The following ANKRD17 variants were observed in gnomAD, a reference collection of about 807,000 sequenced individuals.
ANKRD17 encodes the protein ankyrin repeat domain-containing protein 17.
A neutral mutation model predicts 229.7 loss-of-function variants in ANKRD17; 19 were observed. The ratio of observed to expected loss-of-function variants is 0.08; its 90% CI spans 0.06 to 0.12. ANKRD17 has a LOEUF of 0.12. Among genes scored for constraint, ANKRD17 ranks in the 10% least tolerant of loss-of-function variants. The pLI, the probability that ANKRD17 is intolerant of heterozygous loss-of-function variation, is 1.00. For missense variants in ANKRD17, 2,176 were observed against 3,176.8 expected, an observed-to-expected ratio of 0.68 and a Z score of 7.57; for synonymous variants, 1,112 against 1,146.1, an observed-to-expected ratio of 0.97 and a Z score of 0.60.
chr4:73,156,209 T>A (rs921183391), intron 3 of ANKRD17, 43 bp from the exon 4 acceptor site: 2 of 1,538,902 alleles, frequency 1.3e-6, no homozygotes, highest in Non-Finnish European at 8.7e-7. Flanking sequence ...ATAAGAATAT[T>A]AAAAAATTGC....
At chr4:73,131,549 C>T (rs1728200304) in intron 16 of ANKRD17, among the ~76,000 whole-genome samples, 1 of 152,052 alleles carries the variant, frequency 6.6e-6, no homozygotes, top group South Asian at 2.1e-4. Context: ...TTCTGTGATC[C>T]CACTTACCAG....
At chr4:73,200,422 TC>T (rs1446976558) in intron 1 of ANKRD17, among the ~76,000 whole-genome samples, 1 of 152,042 alleles carries the variant, frequency 6.6e-6, no homozygotes, top group East Asian at 1.9e-4. Flanking sequence ...CATAGTAAGA[TC>T]CTGTCTCTTT....
chr4:73,116,125 T>C (rs929975931), intron 22 of ANKRD17, among the ~76,000 whole-genome samples: 2 of 148,680 alleles, frequency 1.3e-5, no homozygotes, highest in Non-Finnish European at 3.0e-5. Flanking sequence ...AAAAAGTACA[T>C]AATAATATGA....
Position 73,167,106 on chromosome 4 carries a change from A to G in ANKRD17, c.548-5758T>C, listed in dbSNP as rs1282085896. Among the ~76,000 whole-genome samples, 3 of 152,224 alleles carry G rather than the reference A, an allele frequency of 2.0e-5. No homozygotes were observed. In the East Asian group the frequency reaches 5.8e-4, roughly 29 times the overall value. Reference sequence around the variant, plus strand: ...TGGTGCTTAGATTTGCTTTAAATTAACATAGGTGGCAATGTCAGCAAGGTG... The same window carrying G: ...TGGTGCTTAGATTTGCTTTAAATTAGCATAGGTGGCAATGTCAGCAAGGTG... On this transcript the variant is annotated intron_variant, in intron 2 of 33. Coordinates refer to ENST00000358602, the MANE Select transcript of ANKRD17 (RefSeq NM_032217.5).
chr4:73,213,723 G>A (rs1183474566), intron 1 of ANKRD17, among the ~76,000 whole-genome samples: 1 of 152,156 alleles, frequency 6.6e-6, no homozygotes, highest in African/African-American at 2.4e-5. Context: ...AAAAGAAGGT[G>A]AGAAGTAAAT....
At chr4:73,139,453 C>T (rs959954679) in intron 15 of ANKRD17, 78 bp downstream of exon 15, 33 of 1,508,792 alleles carry the variant, frequency 2.2e-5, no homozygotes, top group Non-Finnish European at 2.8e-5. Flanking sequence ...AGTTGGGTAA[C>T]GGCAAAAAAT....
Position 73,146,796 on chromosome 4 carries a change from C to T in ANKRD17, c.1837G>A (p.Ala613Thr), listed in dbSNP as rs200346141. ...YACENGHTDVADVLLQAGADL... is the reference protein window; with the variant it reads ...YACENGHTDVTDVLLQAGADL... Reference sequence around the variant, plus strand: ...GCGCCTGCCTGAAGTAAGACATCTGCTACATCAGTATGACCATTTTCACAG... The same window carrying T: ...GCGCCTGCCTGAAGTAAGACATCTGTTACATCAGTATGACCATTTTCACAG... The change falls in exon 10 of 34, where the codon GCA (alanine) becomes ACA (threonine). Residue 613 changes from alanine to threonine, a missense_variant. Ala to Thr is a moderately conservative substitution (Grantham distance 58, BLOSUM62 0). Around this residue, in one of 18 missense-constraint regions of ANKRD17, gnomAD observed 275 missense variants for 386.9 expected, o/e 0.71. Transcript: ENST00000358602. 37 of 1,612,114 alleles carry T rather than the reference C, an allele frequency of 2.3e-5. No homozygotes were observed. In the Middle Eastern group the frequency reaches 1.5e-3, roughly 65 times the overall value.
chr4:73,220,860 C>T (rs1260647436), intron 1 of ANKRD17, among the ~76,000 whole-genome samples: 1 of 152,050 alleles, frequency 6.6e-6, no homozygotes, highest in African/African-American at 2.4e-5. Flanking sequence ...TACAGATGAA[C>T]TTCATTATCC....
intron 14 of ANKRD17, 30 bp downstream of exon 14, chr4:73,141,711 T>A (rs1340580141): frequency 6.3e-7 from 1 of 1,583,064 alleles, no homozygotes; most frequent in Admixed American, 1.7e-5. Context: ...GGACACCAAG[T>A]AAGAAACAGT....
intron 24 of ANKRD17, among the ~76,000 whole-genome samples, chr4:73,109,681 G>A (rs1725065960): frequency 6.6e-6 from 1 of 152,140 alleles, no homozygotes; most frequent in African/African-American, 2.4e-5. Context: ...GGGAAATCTA[G>A]TAAAGCTACT....
Position 73,102,136 on chromosome 4 carries a change from C to CT in ANKRD17, c.4573+239dup, listed in dbSNP as rs1223048189. ...CAGATAATTAAAAAAAATTTTTTTCCTTTTTTTGTATAGACAGTCTCACTT... is the reference window on the plus strand; with the variant it reads ...CAGATAATTAAAAAAAATTTTTTTCCTTTTTTTTGTATAGACAGTCTCACTT... On this transcript the variant is annotated intron_variant, in intron 25 of 33. Coordinates refer to ENST00000358602, the MANE Select transcript of ANKRD17 (RefSeq NM_032217.5). 4.6e-5 allele frequency among the ~76,000 whole-genome samples: 7 copies of CT among 151,874 alleles called. No individual in the cohort carries two copies. In the East Asian group the frequency reaches 1.4e-3, roughly 30 times the overall value.
chr4:73,120,822 C>CTA (rs1240806494), intron 20 of ANKRD17, 59 bp downstream of exon 20: 12 of 1,443,652 alleles, frequency 8.3e-6, no homozygotes, highest in Non-Finnish European at 1.1e-5. Flanking sequence ...CATGTTGCTA[C>CTA]TATATATCTT....
chr4:73,202,074 A>G (rs1362407824), intron 1 of ANKRD17, among the ~76,000 whole-genome samples: 2 of 152,176 alleles, frequency 1.3e-5, no homozygotes, highest in Non-Finnish European at 1.5e-5. Flanking sequence ...CAAATTTGCC[A>G]CAGCACAGTA....
At chr4:73,094,313 A>T in intron 27 of ANKRD17, 85 bp from the exon 28 acceptor site, 1 of 1,231,758 alleles carries the variant, frequency 8.1e-7, no homozygotes, top group South Asian at 1.4e-5. Flanking sequence ...GTATTACTAA[A>T]ATGTCTTTCT....
chr4:73,205,770 C>T (rs1371290522), intron 1 of ANKRD17, among the ~76,000 whole-genome samples: 1 of 152,106 alleles, frequency 6.6e-6, no homozygotes, highest in African/African-American at 2.4e-5. Context: ...AGCTTTTATA[C>T]AGCCAAGGAA....
chr4:73,163,790 T>C (rs1560629726), intron 2 of ANKRD17, among the ~76,000 whole-genome samples: 2 of 152,034 alleles, frequency 1.3e-5, no homozygotes, highest in Admixed American at 6.6e-5. Context: ...CTTTAAAATA[T>C]TTTTTTTCTG....
At chr4:73,112,373 A>G (rs1280137956) in intron 24 of ANKRD17, among the ~76,000 whole-genome samples, 1 of 152,230 alleles carries the variant, frequency 6.6e-6, no homozygotes, top group Non-Finnish European at 1.5e-5. Context: ...ACTGCCTTGT[A>G]TTTAGCAGGC....
intron 1 of ANKRD17, among the ~76,000 whole-genome samples, chr4:73,209,897 G>C (rs1420440357): frequency 6.6e-6 from 1 of 152,006 alleles, no homozygotes; most frequent in East Asian, 1.9e-4. Context: ...AATACCCTTT[G>C]ATGATAAAAA....
At chr4:73,082,931 A>C (rs74992108) in intron 30 of ANKRD17, among the ~76,000 whole-genome samples, 2,930 of 152,278 alleles carry the variant, frequency 0.019, 97 homozygotes, top group African/African-American at 0.067. Flanking sequence ...GAATTTAAAC[A>C]CTGCATCATA....
Sources: allele counts gnomAD v4.1 joint callset (sites outside exome capture counted in the v4.1 genomes callset), GRCh38; gene constraint gnomAD v4.1.1; regional missense constraint gnomAD v4.1.1; transcripts MANE v1.5; gene names NCBI Gene and HGNC (gene_info 2026-07-23, HGNC 2026-07-21).